NAP1L1: variants seen among roughly 807,000 people sequenced by gnomAD.
NAP1L1 encodes the protein nucleosome assembly protein 1-like 1.
A neutral mutation model predicts 58.9 loss-of-function variants in NAP1L1; 9 were observed. That is an observed-to-expected ratio of 0.15 (90% CI 0.09 to 0.27). The LOEUF is 0.27. NAP1L1 is among the 10% of genes least tolerant of loss of function. The pLI is 1.00. For synonymous variants in NAP1L1, 130 were observed against 138.3 expected (o/e 0.94, Z 0.42); for missense variants, 302 against 458.8 (o/e 0.66, Z 3.12).
At chr12:76,073,499 GT>G (rs1442975499) in intron 2 of NAP1L1, among the ~76,000 whole-genome samples, 1 of 54,290 alleles carries the variant, frequency 1.8e-5, no homozygotes, top group African/African-American at 5.4e-5. Context: ...TCCACAATAA[GT>G]CTTTTATAAA....
At chr12:76,053,162 T>C in intron 10 of NAP1L1, 43 bp downstream of exon 10, 1 of 1,612,228 alleles carries the variant, frequency 6.2e-7, no homozygotes, top group East Asian at 2.2e-5. Context: ...AGCAATGCTT[T>C]TTATAAAACA....
intron 2 of NAP1L1, among the ~76,000 whole-genome samples, chr12:76,073,556 T>G (rs1241514581): frequency 4.6e-5 from 7 of 152,214 alleles, no homozygotes; most frequent in Admixed American, 4.6e-4. Context: ...TAGTCTTTCT[T>G]CCTTGTTATC....
intron 13 of NAP1L1, 52 bp downstream of exon 13, chr12:76,049,704 C>T (rs757178025): frequency 5.0e-6 from 8 of 1,601,734 alleles, no homozygotes; most frequent in Non-Finnish European, 6.8e-6. Flanking sequence ...ATTCAATTTG[C>T]TTCTCAATGT....
rs966178627 is a variant in NAP1L1, at chr12:76,040,415, G to C, written c.*8014C>G. 3.9e-5 allele frequency: 6 copies of C among 152,182 alleles called. No homozygotes were observed. Among genetic ancestry groups the C allele is most frequent in the African/African-American group, 1.4e-4 (6 of 41,404 alleles). 9.4% of individuals were successfully genotyped at this position (152,182 alleles called of 1,614,324 possible). A position where few individuals can be genotyped will look rare whatever the true frequency, so the allele number is the denominator to read the frequency against. ...TTCTGTCTCTACTACCCCTGTGACA[G>C]CAAGACCCCCCTCCTCCTCAGCTAT... is the stretch of plus-strand genomic sequence containing the variant. On this transcript the variant is annotated 3_prime_UTR_variant, in exon 15 of 15. Coordinates refer to ENST00000618691, the MANE Select transcript of NAP1L1 (RefSeq NM_004537.7).
rs1421379493 is a variant in NAP1L1 at position 76,050,404 on chromosome 12, C to T, written c.1059+127G>A. On this transcript the variant is annotated intron_variant, in intron 12 of 14. Coordinates refer to ENST00000618691, the MANE Select transcript of NAP1L1 (RefSeq NM_004537.7). ...AAACCCAGAAAAGCTATATACAGAA[C>T]ATCAGTAATTAGCCTAATTTTGAAT... 6.0e-6 allele frequency: 7 copies of T among 1,170,188 alleles called. No individual in the cohort carries two copies. The African/African-American group carries it at 9.4e-5, about 16-fold the overall frequency. The allele number at this position is 1,170,188 out of a possible 1,614,324, so 72.5% of individuals were successfully genotyped here. A position where few individuals can be genotyped will look rare whatever the true frequency, so the allele number is the denominator to read the frequency against.
chr12:76,061,161 T>C (rs1949395942), intron 4 of NAP1L1: 1 of 249,078 alleles, frequency 4.0e-6, no homozygotes, highest in Middle Eastern at 4.7e-4. Context: ...AAGCACTATT[T>C]TGTTAAAATT....
At chr12:76,080,493 C>G (rs1416334479) in intron 1 of NAP1L1, among the ~76,000 whole-genome samples, 2 of 152,164 alleles carry the variant, frequency 1.3e-5, no homozygotes, top group African/African-American at 4.8e-5. Context: ...TACCATATAA[C>G]CCAGGTATGT....
At chr12:76,079,786 T>A (rs745612856) in intron 1 of NAP1L1, among the ~76,000 whole-genome samples, 1 of 151,666 alleles carries the variant, frequency 6.6e-6, no homozygotes, top group African/African-American at 2.4e-5. Context: ...CAGGCTCAAG[T>A]GATCCTCTCA....
At chr12:76,069,671 T>C (rs1351120744) in intron 2 of NAP1L1, among the ~76,000 whole-genome samples, 1 of 152,248 alleles carries the variant, frequency 6.6e-6, no homozygotes. Flanking sequence ...ATACTATCTT[T>C]GGAGTTTCCT....
In NAP1L1 at chr12:76,047,879, A is replaced by G. The variant is rs1175807449; in HGVS notation, c.*550T>C. The G allele has an allele frequency of 6.6e-6, 1 of 152,622 alleles. No individual in the cohort carries two copies. The highest frequency in any genetic ancestry group is 1.5e-5 in the Non-Finnish European group (1 of 68,068). 9.5% of individuals were successfully genotyped at this position (152,622 alleles called of 1,614,324 possible). ...AGTTAACTATGTCACCTAAAACACA[A>G]TAATCCATTAACACTCTAATAACAG... On this transcript the variant is annotated 3_prime_UTR_variant, in exon 15 of 15. Transcript: ENST00000618691.
At position 76,039,696 on chromosome 12, in the gene NAP1L1, A is replaced by G. The variant is rs762738116; in HGVS notation, c.*8733T>C. The G allele has an allele frequency of 7.9e-5, 12 of 152,172 alleles. No homozygotes were observed. The highest frequency in any genetic ancestry group is 1.6e-4 in the Non-Finnish European group (11 of 68,020). The allele number at this position is 152,172 out of a possible 1,614,324, so 9.4% of individuals were successfully genotyped here. On this transcript the variant is annotated 3_prime_UTR_variant, in exon 15 of 15. Coordinates refer to ENST00000618691, the MANE Select transcript of NAP1L1 (RefSeq NM_004537.7). ...CAGTGCAAAGTGTAGGGCCATCCAA[A>G]TGCTGGCTCCAACACAACTCAACTG...
At chr12:76,083,495 A>C (rs1337386602) in intron 1 of NAP1L1, among the ~76,000 whole-genome samples, 2 of 138,514 alleles carry the variant, frequency 1.4e-5, no homozygotes, top group Admixed American at 7.2e-5. Context: ...AAAAAAAAAA[A>C]CCTCATGAAT....
At chr12:76,080,434 A>G (rs1565752855) in intron 1 of NAP1L1, among the ~76,000 whole-genome samples, 1 of 152,254 alleles carries the variant, frequency 6.6e-6, no homozygotes, top group Non-Finnish European at 1.5e-5. Flanking sequence ...AGTATTCAAC[A>G]TAGCAACATG....
At chr12:76,062,657 G>A (rs1949470560) in intron 4 of NAP1L1, among the ~76,000 whole-genome samples, 1 of 152,184 alleles carries the variant, frequency 6.6e-6, no homozygotes, top group African/African-American at 2.4e-5. Context: ...AGATTCGACT[G>A]AAGATAAAGT....
intron 6 of NAP1L1, chr12:76,057,581 G>A: frequency 5.0e-6 from 5 of 990,586 alleles, no homozygotes; most frequent in Middle Eastern, 3.1e-4. Flanking sequence ...GACTGCAAAG[G>A]AGACCCAAGG....
At chr12:76,083,445 C>T (rs1364567515) in intron 1 of NAP1L1, among the ~76,000 whole-genome samples, 1 of 109,982 alleles carries the variant, frequency 9.1e-6, no homozygotes, top group Non-Finnish European at 1.7e-5. Context: ...ACGTAAAATA[C>T]ATTAACTAGC....
rs1343128660 is a variant in NAP1L1 at position 76,037,521 on chromosome 12, A to G, written c.*10908T>C. The G allele has an allele frequency of 6.6e-6, 1 of 152,236 alleles. No individual in the cohort carries two copies. Among genetic ancestry groups the G allele is most frequent in the Admixed American group, 6.5e-5 (1 of 15,278 alleles). The allele number at this position is 152,236 out of a possible 1,614,324, so 9.4% of individuals were successfully genotyped here. On this transcript the variant is annotated 3_prime_UTR_variant, in exon 15 of 15. Coordinates refer to ENST00000618691, the MANE Select transcript of NAP1L1 (RefSeq NM_004537.7). ...ACACATGGCCTTCAGTTTTACTCTT[A>G]AAACATGACAGAAAACTTCTATTCG...
chr12:76,058,435 G>T (rs574345398), intron 6 of NAP1L1, among the ~76,000 whole-genome samples: 2 of 148,510 alleles, frequency 1.3e-5, no homozygotes, highest in South Asian at 4.3e-4. Flanking sequence ...CGCCTGGGCT[G>T]GAGCGCAGTG....
intron 4 of NAP1L1, among the ~76,000 whole-genome samples, chr12:76,066,396 G>C (rs566779105): frequency 6.6e-6 from 1 of 151,844 alleles, no homozygotes; most frequent in African/African-American, 2.4e-5. Context: ...TAAATTTGTA[G>C]AAATGACACA....
Sources: allele counts gnomAD v4.1 joint callset (sites outside exome capture counted in the v4.1 genomes callset), GRCh38; gene constraint gnomAD v4.1.1; transcripts MANE v1.5; gene names NCBI Gene and HGNC (gene_info 2026-07-23, HGNC 2026-07-21).